The following PPP4R1 variants were observed in gnomAD, a reference collection of about 807,000 sequenced individuals.
PPP4R1 encodes protein phosphatase 4 regulatory subunit 1, also known as serine/threonine-protein phosphatase 4 regulatory subunit 1.
PPP4R1 carries 42 observed loss-of-function variants against 111.2 expected under a neutral mutation model. The ratio of observed to expected loss-of-function variants is 0.38; its 90% CI spans 0.29 to 0.49. The LOEUF is 0.49. PPP4R1 is among the 20% of genes least tolerant of loss of function. The probability of loss-of-function intolerance (pLI) is 0.97; values close to 1 mark genes in which losing one functional copy is unlikely to be tolerated. For synonymous variants in PPP4R1, 409 were observed against 405.5 expected (o/e 1.01, Z -0.10); for missense variants, 1,012 against 1,161.6 (o/e 0.87, Z 1.87).
chr18:9,607,696 G>A (rs944143379), intron 2 of PPP4R1, among the ~76,000 whole-genome samples: 2 of 151,842 alleles, frequency 1.3e-5, no homozygotes, highest in African/African-American at 4.8e-5. Flanking sequence ...CAATGATGAT[G>A]AGGACCTGGA....
chr18:9,553,465 A>G (rs1295885732), intron 15 of PPP4R1, 43 bp from the exon 16 acceptor site: 1 of 1,355,728 alleles, frequency 7.4e-7, no homozygotes, highest in Non-Finnish European at 1.0e-6. Flanking sequence ...CAAGGTACAG[A>G]CAGTATTTCT....
intron 2 of PPP4R1, chr18:9,612,378 C>G (rs2145374464): frequency 6.6e-6 from 1 of 152,348 alleles, no homozygotes; most frequent in Admixed American, 6.5e-5. Context: ...CTGTACTGTA[C>G]ACCTAGATTC....
At chr18:9,586,242 G>A (rs2067114475) in intron 6 of PPP4R1, among the ~76,000 whole-genome samples, 1 of 151,850 alleles carries the variant, frequency 6.6e-6, no homozygotes, top group African/African-American at 2.4e-5. Context: ...ACAACTGTAA[G>A]AGAATCATAA....
At chr18:9,555,902 C>T (rs1020500095) in intron 15 of PPP4R1, among the ~76,000 whole-genome samples, 27 of 151,642 alleles carry the variant, frequency 1.8e-4, no homozygotes, top group African/African-American at 5.1e-4. Flanking sequence ...TTTGGGAGGC[C>T]AAGGTGGGCG....
intron 2 of PPP4R1, among the ~76,000 whole-genome samples, chr18:9,605,323 G>A (rs539546407): frequency 2.6e-5 from 4 of 152,204 alleles, no homozygotes; most frequent in East Asian, 1.9e-4. Context: ...GCTAGTAAAT[G>A]CAATTAATTC....
At position 9,588,693 on chromosome 18, in the gene PPP4R1, T is replaced by C; in HGVS notation, c.438+18A>G. The C allele has an allele frequency of 1.3e-6, 2 of 1,586,624 alleles. No individual in the cohort carries two copies. Among genetic ancestry groups the C allele is most frequent in the Non-Finnish European group, 1.7e-6 (2 of 1,162,152 alleles). Reference sequence around the variant, plus strand: ...ACTACGTAAATTTCTTTTAAGAACATATAAATGGTACTCTTACCTGATTAT... The same window carrying C: ...ACTACGTAAATTTCTTTTAAGAACACATAAATGGTACTCTTACCTGATTAT... On this transcript the variant is annotated intron_variant, in intron 5 of 19. Coordinates refer to ENST00000400556, the MANE Select transcript of PPP4R1 (RefSeq NM_001042388.3).
At chr18:9,612,269 A>G (rs1032691573) in intron 2 of PPP4R1, among the ~76,000 whole-genome samples, 1 of 152,198 alleles carries the variant, frequency 6.6e-6, no homozygotes, top group Non-Finnish European at 1.5e-5. Context: ...ACAAATGACA[A>G]AACTGAGGCA....
At position 9,547,016 on chromosome 18, in the gene PPP4R1, G is replaced by C. The variant is rs561641973; in HGVS notation, c.*773C>G. Reference sequence around the variant, plus strand: ...CACTCCCAAGAGTGGTCACAGGTATGTACAGTATGTGAAGAAGTTGCACCT... The same window carrying C: ...CACTCCCAAGAGTGGTCACAGGTATCTACAGTATGTGAAGAAGTTGCACCT... On this transcript the variant is annotated 3_prime_UTR_variant, in exon 20 of 20. Coordinates refer to ENST00000400556, the MANE Select transcript of PPP4R1 (RefSeq NM_001042388.3). 3 of 152,532 alleles carry C rather than the reference G, an allele frequency of 2.0e-5. No homozygotes were observed. The highest frequency in any genetic ancestry group is 4.4e-5 in the Non-Finnish European group (3 of 68,034). The allele number at this position is 152,532 out of a possible 1,614,324, so 9.4% of individuals were successfully genotyped here. A position where few individuals can be genotyped will look rare whatever the true frequency, so the allele number is the denominator to read the frequency against.
Position 9,570,374 on chromosome 18 carries a change from C to T in PPP4R1, c.1356G>A (p.Leu452=), listed in dbSNP as rs1352924257. The part of the protein sequence containing the change: ...SQDSALLDQE[L]YNSFHFWRTP... ...TCCTCCAGAAATGGAAGGAGTTATA[C>T]AATTCCTGATCTAAGAGAGCTGAAT... The change falls in exon 11 of 20, where the codon TTG becomes TTA. Residue 452 remains leucine, a synonymous_variant. Coordinates refer to ENST00000400556, the MANE Select transcript of PPP4R1 (RefSeq NM_001042388.3). 3 of 1,613,198 alleles carry T rather than the reference C, an allele frequency of 1.9e-6. No individual in the cohort carries two copies. Among genetic ancestry groups the T allele is most frequent in the Non-Finnish European group, 2.5e-6 (3 of 1,179,572 alleles).
rs941730970 is a variant in PPP4R1 at position 9,565,915 on chromosome 18, A to T, written c.1574-2365T>A. Among the ~76,000 whole-genome samples, 22 of 148,634 alleles carry T rather than the reference A, an allele frequency of 1.5e-4. No individual in the cohort carries two copies. In the South Asian group the frequency reaches 1.7e-3, roughly 12 times the overall value. On this transcript the variant is annotated intron_variant, in intron 11 of 19. Transcript: ENST00000400556. ...CTAAGGTAGCTACACCAAACAACAA[A>T]TTTTTTTTTTTTTGAGATGGAGTCT...
chr18:9,548,145 T>C (rs1483824805), intron 19 of PPP4R1, among the ~76,000 whole-genome samples, 193 bp from the exon 20 acceptor site: 1 of 152,180 alleles, frequency 6.6e-6, no homozygotes, highest in East Asian at 1.9e-4. Flanking sequence ...GTTATGAGAT[T>C]TATCTTGTTT....
intron 4 of PPP4R1, among the ~76,000 whole-genome samples, chr18:9,592,373 C>G (rs548860433): frequency 6.6e-6 from 1 of 152,152 alleles, no homozygotes; most frequent in Non-Finnish European, 1.5e-5. Context: ...TGGGTATGCC[C>G]TTTTCCCTCT....
At chr18:9,552,429 T>C (rs951740445) in intron 16 of PPP4R1, among the ~76,000 whole-genome samples, 1 of 152,220 alleles carries the variant, frequency 6.6e-6, no homozygotes, top group Admixed American at 6.5e-5. Context: ...CACTATCCGA[T>C]ACGTATTGCA....
intron 9 of PPP4R1, among the ~76,000 whole-genome samples, chr18:9,578,294 G>C (rs1221736610): frequency 1.3e-5 from 2 of 152,170 alleles, no homozygotes; most frequent in East Asian, 3.8e-4. Flanking sequence ...GGAAAACAGT[G>C]GTGCTACCAT....
intron 6 of PPP4R1, among the ~76,000 whole-genome samples, chr18:9,585,215 T>C (rs537676421): frequency 5.8e-4 from 89 of 152,280 alleles, no homozygotes; most frequent in African/African-American, 2.0e-3. Flanking sequence ...TTGGTGACTG[T>C]TCAAAGGGAA....
At chr18:9,588,257 A>T in intron 5 of PPP4R1, 22 bp from the exon 6 acceptor site, 2 of 1,609,454 alleles carry the variant, frequency 1.2e-6, no homozygotes, top group Non-Finnish European at 1.7e-6. Context: ...ATAACAACAC[A>T]AAGAAAGTAC....
intron 10 of PPP4R1, among the ~76,000 whole-genome samples, chr18:9,576,351 C>T (rs2066935400): frequency 1.3e-5 from 2 of 151,948 alleles, no homozygotes; most frequent in Admixed American, 6.6e-5. Context: ...GTACATTTCC[C>T]GCATACTAGT....
intron 13 of PPP4R1, 113 bp from the exon 14 acceptor site, chr18:9,559,717 C>A: frequency 1.7e-4 from 110 of 636,456 alleles, no homozygotes; most frequent in East Asian, 4.8e-4. Context: ...CATAGCATCT[C>A]AAATAGTTGA....
rs895048812 is a variant in PPP4R1 at position 9,614,084 on chromosome 18, G to A, written c.52+142C>T. ...TCACGGACGCGAGATTTTCCCCCCC[G>A]ATCGCCACCCCAGCCCGCCTGGGGC... On this transcript the variant is annotated intron_variant, in intron 2 of 19. Coordinates refer to ENST00000400556, the MANE Select transcript of PPP4R1 (RefSeq NM_001042388.3). This position sits in a 1 kb window ranked among gnomAD's most constrained non-coding sequence, Gnocchi z 4.1. 12 of 645,822 alleles carry A rather than the reference G, an allele frequency of 1.9e-5. No individual in the cohort carries two copies. The highest frequency in any genetic ancestry group is 2.3e-5 in the Non-Finnish European group (11 of 476,720). The allele number at this position is 645,822 out of a possible 1,614,324, so 40.0% of individuals were successfully genotyped here.
Sources: gnomAD v4.1 joint callset for allele counts (sites outside exome capture counted in the v4.1 genomes callset) on GRCh38, gnomAD v4.1.1 for gene constraint, Gnocchi (gnomAD v3.1) non-coding constraint, MANE v1.5 for transcripts, NCBI Gene and HGNC (gene_info 2026-07-23, HGNC 2026-07-21) for gene names.